The following SRP54 variants were observed in gnomAD, a reference collection of about 807,000 sequenced individuals.
SRP54 encodes the protein signal recognition particle 54.
SRP54 carries 10 observed loss-of-function variants against 64.8 expected under a neutral mutation model. The ratio of observed to expected loss-of-function variants is 0.15; its 90% CI spans 0.10 to 0.26. The LOEUF (loss-of-function observed/expected upper bound fraction) is 0.26. Ranked by LOEUF, SRP54 falls within the 10% of genes least tolerant of loss-of-function variation. The pLI is 1.00. For synonymous variants in SRP54, 193 were observed against 185.6 expected (o/e 1.04, Z -0.32); for missense variants, 325 against 613.7 (o/e 0.53, Z 4.97).
Position 35,029,215 on chromosome 14 carries a change from C to T in SRP54, c.*63C>T, listed in dbSNP as rs2044684553. 1 of 1,345,894 alleles carries T rather than the reference C, an allele frequency of 7.4e-7. No homozygotes were observed. The highest frequency in any genetic ancestry group is 1.0e-6 in the Non-Finnish European group (1 of 966,784). 83.4% of individuals were successfully genotyped at this position (1,345,894 alleles called of 1,614,324 possible). On this transcript the variant is annotated 3_prime_UTR_variant, in exon 16 of 16. Transcript: ENST00000216774. ...CTAATTTGCTGAGACCTCAGCGTTT[C>T]CCTTCTTTTTGCGAATTGGGGGGAA...
intron 14 of SRP54, among the ~76,000 whole-genome samples, chr14:35,024,424 T>C (rs908257860): frequency 2.6e-5 from 4 of 152,222 alleles, no homozygotes; most frequent in African/African-American, 9.6e-5. Flanking sequence ...TGAATTTACT[T>C]TGTGAATCAC....
chr14:35,010,713 C>T (rs981883783), intron 7 of SRP54, among the ~76,000 whole-genome samples: 6 of 151,586 alleles, frequency 4.0e-5, no homozygotes, highest in Non-Finnish European at 8.8e-5. Flanking sequence ...GGCAGTGAGC[C>T]GAGATCGCAC....
At chr14:35,018,295 A>G (rs1263543621) in intron 11 of SRP54, among the ~76,000 whole-genome samples, 2 of 152,198 alleles carry the variant, frequency 1.3e-5, no homozygotes, top group Non-Finnish European at 2.9e-5. Flanking sequence ...ACTCCAAACA[A>G]TCTTCTAAAG....
At chr14:34,997,916 G>T (rs1020105542) in intron 2 of SRP54, among the ~76,000 whole-genome samples, 5 of 151,920 alleles carry the variant, frequency 3.3e-5, no homozygotes, top group African/African-American at 9.7e-5. Context: ...CTGTTGTGTA[G>T]CCCTTATGTT....
At position 35,008,675 on chromosome 14, in the gene SRP54, G is replaced by T. The variant is rs761089126; in HGVS notation, c.409G>T (p.Ala137Ser). The part of the protein sequence containing the change: ...RKGWKTCLIC[A>S]DTFRAGAFDQ... The stretch of plus-strand genomic sequence containing the variant: ...AGGTTGGAAGACCTGTTTAATATGT[G>T]CAGACACATTCAGAGCAGGTAATGT... The change falls in exon 6 of 16, where the codon GCA (alanine) becomes TCA (serine). Residue 137 changes from alanine (A) to serine (S), a missense_variant. Physicochemically the swap from Ala to Ser is moderately conservative, Grantham distance 99. This residue lies in a region of SRP54 where 156 missense variants were observed against 254.6 expected (regional missense o/e 0.61). Coordinates refer to ENST00000216774, the MANE Select transcript of SRP54 (RefSeq NM_003136.4). The T allele has an allele frequency of 6.2e-7, 1 of 1,607,432 alleles. No homozygotes were observed. The highest frequency in any genetic ancestry group is 8.5e-7 in the Non-Finnish European group (1 of 1,177,484).
chr14:34,993,743 G>T (rs1160380294), intron 1 of SRP54, among the ~76,000 whole-genome samples: 1 of 151,952 alleles, frequency 6.6e-6, no homozygotes, highest in Admixed American at 6.6e-5. Context: ...TGCCCAGGCT[G>T]GAGTGCAATG....
At chr14:35,016,160 AT>A (rs2044435472) in intron 11 of SRP54, among the ~76,000 whole-genome samples, 2 of 151,884 alleles carry the variant, frequency 1.3e-5, no homozygotes, top group African/African-American at 2.4e-5. Flanking sequence ...TCTTTCCTAG[AT>A]CTTCTTATTG....
chr14:34,988,578 A>ATAT (rs1555352767), intron 1 of SRP54, among the ~76,000 whole-genome samples: 3 of 47,098 alleles, frequency 6.4e-5, no homozygotes, highest in East Asian at 9.7e-4. Flanking sequence ...AAAAAAAAAA[A>ATAT]ATATATATAT....
At position 34,999,547 on chromosome 14, in the gene SRP54, T is replaced by G; in HGVS notation, c.79-11T>G. On this transcript the variant is annotated splice_polypyrimidine_tract_variant and intron_variant, in intron 2 of 15. Transcript: ENST00000216774. ...GGGTGCTTTAAATTTCATTTATTTC[T>G]TTATTTTCAGGTATTGAATGCTATG... The G allele has an allele frequency of 6.3e-7, 1 of 1,597,432 alleles. No homozygotes were observed. Among genetic ancestry groups the G allele is most frequent in the South Asian group, 1.1e-5 (1 of 89,960 alleles).
At chr14:35,010,991 T>A (rs1158056815) in intron 7 of SRP54, among the ~76,000 whole-genome samples, 6 of 152,126 alleles carry the variant, frequency 3.9e-5, no homozygotes, top group African/African-American at 7.2e-5. Flanking sequence ...AGTTGCATGA[T>A]CATAAGCTCA....
intron 4 of SRP54, among the ~76,000 whole-genome samples, chr14:35,006,481 A>G (rs1299405901): frequency 4.6e-5 from 7 of 152,224 alleles, no homozygotes; most frequent in Admixed American, 6.5e-5. Flanking sequence ...CAGACTTGGT[A>G]TGGGAAAAGA....
At chr14:35,003,122 G>T (rs2044203646) in intron 4 of SRP54, among the ~76,000 whole-genome samples, 1 of 152,124 alleles carries the variant, frequency 6.6e-6, no homozygotes, top group Non-Finnish European at 1.5e-5. Context: ...AGCATTTATT[G>T]AGTACCTACT....
At chr14:35,010,690 A>C (rs2044342405) in intron 7 of SRP54, among the ~76,000 whole-genome samples, 2 of 151,802 alleles carry the variant, frequency 1.3e-5, no homozygotes, top group African/African-American at 2.4e-5. Context: ...CCTTGAACCC[A>C]GGAGGCAGAA....
intron 2 of SRP54, among the ~76,000 whole-genome samples, chr14:34,997,878 T>C (rs1378465263): frequency 6.6e-6 from 1 of 152,160 alleles, no homozygotes; most frequent in Admixed American, 6.6e-5. Flanking sequence ...ATTCCAAATA[T>C]ATAAAACGAC....
At chr14:34,992,203 G>A (rs2043991725) in intron 1 of SRP54, among the ~76,000 whole-genome samples, 1 of 152,138 alleles carries the variant, frequency 6.6e-6, no homozygotes. Context: ...AAAGTGCTGG[G>A]ATTACAGGCG....
At chr14:35,003,780 A>G (rs1212509416) in intron 4 of SRP54, among the ~76,000 whole-genome samples, 1 of 151,274 alleles carries the variant, frequency 6.6e-6, no homozygotes, top group Non-Finnish European at 1.5e-5. Context: ...CAAAAAATAC[A>G]AAAATTAGCT....
At chr14:35,010,452 A>T (rs937886689) in intron 7 of SRP54, among the ~76,000 whole-genome samples, 1 of 151,876 alleles carries the variant, frequency 6.6e-6, no homozygotes, top group African/African-American at 2.4e-5. Context: ...GCCTCAAAAT[A>T]AATAAATAAA....
intron 5 of SRP54, among the ~76,000 whole-genome samples, chr14:35,008,406 G>A (rs894822936): frequency 1.3e-5 from 2 of 152,098 alleles, no homozygotes; most frequent in African/African-American, 2.4e-5. Flanking sequence ...ATGATCATTT[G>A]CTACTTGATC....
chr14:35,026,420 G>C (rs1235942209), intron 14 of SRP54, among the ~76,000 whole-genome samples: 1 of 151,690 alleles, frequency 6.6e-6, no homozygotes, highest in Admixed American at 6.6e-5. Flanking sequence ...TTTTTGTAGA[G>C]ACAGGGTTTC....
Sources: gnomAD v4.1 joint callset for allele counts (sites outside exome capture counted in the v4.1 genomes callset) on GRCh38, gnomAD v4.1.1 for gene constraint, gnomAD v4.1.1 regional missense constraint, MANE v1.5 for transcripts, NCBI Gene and HGNC (gene_info 2026-07-23, HGNC 2026-07-21) for gene names.